The following KLF8 variants were observed in gnomAD, a reference collection of about 807,000 sequenced individuals.
KLF8 encodes the protein KLF transcription factor 8.
In KLF8, 10 loss-of-function variants were observed where a neutral mutation model predicts 18.2. The ratio of observed to expected loss-of-function variants is 0.55; its 90% CI spans 0.34 to 0.93. The LOEUF (loss-of-function observed/expected upper bound fraction) is 0.93. Among genes scored for constraint, KLF8 ranks in the 40% least tolerant of loss-of-function variants. KLF8 has a pLI of 0.02. For missense variants in KLF8, 264 were observed against 277.9 expected, an observed-to-expected ratio of 0.95 and a Z score of 0.36; for synonymous variants, 109 against 97.3, an observed-to-expected ratio of 1.12 and a Z score of -0.71.
chrX:56,197,924 C>T, the KLF8 span, among the ~76,000 whole-genome samples: 2 of 111,990 alleles, frequency 1.8e-5, no homozygotes, highest in South Asian at 7.4e-4. Flanking sequence ...GGATGCAAGG[C>T]TGGTTCAATA....
the KLF8 span, among the ~76,000 whole-genome samples, chrX:56,152,517 T>C: frequency 9.0e-6 from 1 of 110,958 alleles, no homozygotes; most frequent in African/African-American, 3.3e-5. Flanking sequence ...ACTTAGATAA[T>C]AATAGAGGAG....
chrX:56,074,012 T>A, the KLF8 span, among the ~76,000 whole-genome samples: 1 of 112,006 alleles, frequency 8.9e-6, no homozygotes, highest in Non-Finnish European at 1.9e-5. Flanking sequence ...CCTCCCAAAG[T>A]GCTGGAATTA....
At chrX:56,025,809 A>G in the KLF8 span, among the ~76,000 whole-genome samples, 1 of 111,855 alleles carries the variant, frequency 8.9e-6, no homozygotes, top group Non-Finnish European at 1.9e-5. Flanking sequence ...ACTGAGTGTT[A>G]TTATATAAAC....
the KLF8 span, among the ~76,000 whole-genome samples, chrX:56,065,714 A>G: frequency 9.0e-6 from 1 of 111,360 alleles, no homozygotes; most frequent in East Asian, 2.8e-4. Context: ...GGTTTTTTTT[A>G]AAGATGGATT....
At chrX:56,005,623 G>A in the KLF8 span, among the ~76,000 whole-genome samples, 3 of 112,726 alleles carry the variant, frequency 2.7e-5, no homozygotes, top group Non-Finnish European at 5.6e-5. Context: ...TTGTGTGCAT[G>A]TGTGCACCAG....
chrX:56,206,252 C>T, the KLF8 span, among the ~76,000 whole-genome samples: 2 of 110,673 alleles, frequency 1.8e-5, no homozygotes, highest in Non-Finnish European at 3.8e-5. Context: ...CATCTCATGT[C>T]CTCATATTTC....
the KLF8 span, among the ~76,000 whole-genome samples, chrX:55,936,663 G>T: frequency 1.8e-5 from 2 of 112,511 alleles, no homozygotes; most frequent in Admixed American, 9.4e-5. Context: ...CTGGAAAATC[G>T]GGTCACTCCC....
At chrX:56,003,045 C>T in the KLF8 span, among the ~76,000 whole-genome samples, 7 of 111,783 alleles carry the variant, frequency 6.3e-5, no homozygotes, top group African/African-American at 2.0e-4. Flanking sequence ...CTTCATTCCT[C>T]CTTCCTTTCT....
the KLF8 span, among the ~76,000 whole-genome samples, chrX:56,083,334 A>T: frequency 8.0e-5 from 9 of 112,279 alleles, no homozygotes; most frequent in Non-Finnish European, 1.7e-4. Context: ...TATCTCATAA[A>T]ACCAGTGAAG....
chrX:56,076,364 C>T, the KLF8 span, among the ~76,000 whole-genome samples: 1 of 99,288 alleles, frequency 1.0e-5, no homozygotes, highest in Non-Finnish European at 2.0e-5. Context: ...TTGTTCAAGT[C>T]CCACCTATGA....
chrX:56,005,588 A>G, the KLF8 span, among the ~76,000 whole-genome samples: 5 of 112,332 alleles, frequency 4.5e-5, no homozygotes, highest in Non-Finnish European at 9.4e-5. Flanking sequence ...CAGTGGCTGC[A>G]TGGGTCAGGC....
chrX:55,978,663 A>G, the KLF8 span, among the ~76,000 whole-genome samples: 1 of 111,595 alleles, frequency 9.0e-6, no homozygotes, highest in South Asian at 3.8e-4. Flanking sequence ...CATTTTTTAA[A>G]GGAAACTTAG....
the KLF8 span, among the ~76,000 whole-genome samples, chrX:56,169,978 G>A: frequency 9.0e-6 from 1 of 111,536 alleles, no homozygotes; most frequent in African/African-American, 3.3e-5. Context: ...TCAGTTGCAG[G>A]TGGATCAGAA....
the KLF8 span, among the ~76,000 whole-genome samples, chrX:56,137,360 G>T: frequency 2.8e-5 from 3 of 106,250 alleles, no homozygotes; most frequent in Admixed American, 1.0e-4. Flanking sequence ...CAACCCAAAT[G>T]TCCAACAATG....
At chrX:56,132,062 C>A in the KLF8 span, among the ~76,000 whole-genome samples, 3 of 111,587 alleles carry the variant, frequency 2.7e-5, no homozygotes, top group Non-Finnish European at 5.7e-5. Context: ...ACTCTACTGA[C>A]AGCACCAGAC....
the KLF8 span, among the ~76,000 whole-genome samples, chrX:56,196,813 C>G: frequency 9.0e-6 from 1 of 111,716 alleles, no homozygotes; most frequent in African/African-American, 3.2e-5. Flanking sequence ...AGCACCACAT[C>G]TCATTATTCC....
chrX:56,129,407 G>A, the KLF8 span, among the ~76,000 whole-genome samples: 2 of 112,042 alleles, frequency 1.8e-5, no homozygotes, highest in African/African-American at 6.5e-5. Context: ...ACTCTCACTG[G>A]GGAACCTGAA....
chrX:56,144,359 GCAT>G, the KLF8 span, among the ~76,000 whole-genome samples: 2 of 109,336 alleles, frequency 1.8e-5, no homozygotes, highest in East Asian at 2.8e-4. Context: ...GCATCAGTGG[GCAT>G]CATCAAGAAA....
chrX:55,942,028 A>C, the KLF8 span, among the ~76,000 whole-genome samples: 1 of 111,559 alleles, frequency 9.0e-6, no homozygotes, highest in African/African-American at 3.3e-5. Flanking sequence ...TATATACCCA[A>C]AGGACTATAA....
Sources: allele counts gnomAD v4.1 joint callset (sites outside exome capture counted in the v4.1 genomes callset), GRCh38; gene constraint gnomAD v4.1.1; transcripts MANE v1.5; gene names NCBI Gene and HGNC (gene_info 2026-07-23, HGNC 2026-07-21).